SMUG1: variants seen among roughly 807,000 people sequenced by gnomAD.
SMUG1 encodes single-strand-selective monofunctional uracil-DNA glycosylase 1.
A neutral mutation model predicts 23.9 loss-of-function variants in SMUG1; 13 were observed. The ratio of observed to expected loss-of-function variants is 0.54; its 90% CI spans 0.35 to 0.86. SMUG1 has a LOEUF of 0.86. SMUG1 is among the 40% of genes least tolerant of loss of function. The probability of loss-of-function intolerance (pLI) is 0.01; values close to 1 mark genes in which losing one functional copy is unlikely to be tolerated. For synonymous variants in SMUG1, 133 were observed against 139.8 expected (o/e 0.95, Z 0.34); for missense variants, 313 against 339.5 (o/e 0.92, Z 0.61).
chr12:54,177,844 G>A (rs1940793896), downstream of SMUG1, among the ~76,000 whole-genome samples: 1 of 152,122 alleles, frequency 6.6e-6, no homozygotes, highest in Non-Finnish European at 1.5e-5. Context: ...GTTTGTTTAT[G>A]GTTGACATTG....
intron 2 of SMUG1, among the ~76,000 whole-genome samples, chr12:54,186,041 A>G (rs1371996716): frequency 6.6e-5 from 10 of 152,180 alleles, no homozygotes; most frequent in African/African-American, 2.4e-4. Flanking sequence ...CACATTTTCA[A>G]AATGCCTTTC....
chr12:54,179,713 C>T (rs370139717), downstream of SMUG1, among the ~76,000 whole-genome samples: 2 of 152,156 alleles, frequency 1.3e-5, no homozygotes, highest in Non-Finnish European at 2.9e-5. Context: ...ACCTGCACTT[C>T]TGACCAACTG....
At chr12:54,165,948 G>T (rs1565799568) in intron 3 of SMUG1, among the ~76,000 whole-genome samples, 1 of 152,164 alleles carries the variant, frequency 6.6e-6, no homozygotes, top group Non-Finnish European at 1.5e-5. Flanking sequence ...TGAGGACCTG[G>T]AATTTTCTAT....
downstream of SMUG1, among the ~76,000 whole-genome samples, chr12:54,163,729 G>C (rs1940347964): frequency 6.6e-6 from 1 of 152,110 alleles, no homozygotes; most frequent in South Asian, 2.1e-4. Flanking sequence ...CCCCAATTCT[G>C]ATTAACTGTG....
At chr12:54,169,267 G>C (rs1259021202) in intron 3 of SMUG1, among the ~76,000 whole-genome samples, 1 of 152,174 alleles carries the variant, frequency 6.6e-6, no homozygotes, top group Non-Finnish European at 1.5e-5. Flanking sequence ...CCAGTTAGGG[G>C]GCTGTCATGG....
At chr12:54,169,699 A>G (rs1940565802) in intron 3 of SMUG1, among the ~76,000 whole-genome samples, 1 of 152,168 alleles carries the variant, frequency 6.6e-6, no homozygotes, top group Admixed American at 6.5e-5. Context: ...GAGGGCAAAA[A>G]TTGCATCTTC....
chr12:54,168,554 T>C (rs1213177172), intron 3 of SMUG1: 1 of 152,214 alleles, frequency 6.6e-6, no homozygotes, highest in African/African-American at 2.4e-5. Context: ...GCCTAAGACA[T>C]TCATTCATTC....
chr12:54,167,783 G>A (rs1394456886), intron 3 of SMUG1, among the ~76,000 whole-genome samples: 2 of 152,048 alleles, frequency 1.3e-5, no homozygotes, highest in Non-Finnish European at 2.9e-5. Context: ...CATTTTGTCT[G>A]GAATGACCTC....
At position 54,182,643 on chromosome 12, in the gene SMUG1, C is replaced by T. The variant is rs777128921; in HGVS notation, c.286-20G>A. 2.5e-6 allele frequency: 4 copies of T among 1,588,362 alleles called. No homozygotes were observed. Among genetic ancestry groups the T allele is most frequent in the Non-Finnish European group, 2.6e-6 (3 of 1,167,750 alleles). On this transcript the variant is annotated intron_variant, in intron 3 of 3. Transcript: ENST00000682136. ...GGGCACCTGTGAGGAAGGAGAGAGA[C>T]ATGAAAGGCTTCAAACTGGAGACCT... is the stretch of plus-strand genomic sequence containing the variant.
chr12:54,181,922 T>C lies in SMUG1; in HGVS notation c.*174A>G. ...ATCAGGAGGGCAAACAGGAGTAGTG[T>C]CAAAACTGCCATGGCAGGTTGGAAG... On this transcript the variant is annotated 3_prime_UTR_variant, in exon 4 of 4. Coordinates refer to ENST00000682136, the MANE Select transcript of SMUG1 (RefSeq NM_001243787.2). The C allele has an allele frequency of 6.9e-7, 1 of 1,449,330 alleles. No homozygotes were observed. The highest frequency in any genetic ancestry group is 9.1e-7 in the Non-Finnish European group (1 of 1,104,054). The allele number at this position is 1,449,330 out of a possible 1,614,324, so 89.8% of individuals were successfully genotyped here. A position where few individuals can be genotyped will look rare whatever the true frequency, so the allele number is the denominator to read the frequency against.
chr12:54,173,080 C>CTCTT (rs1314660970), intron 2 of SMUG1: 1 of 153,174 alleles, frequency 6.5e-6, no homozygotes, highest in East Asian at 1.9e-4. Flanking sequence ...AAGACGGGAG[C>CTCTT]AAAGACAGCC....
intron 2 of SMUG1, among the ~76,000 whole-genome samples, chr12:54,173,491 A>G (rs1449928736): frequency 6.6e-6 from 1 of 152,170 alleles, no homozygotes; most frequent in Non-Finnish European, 1.5e-5. Flanking sequence ...GCTGGCTCGT[A>G]AAAGCCGCGT....
At position 54,181,234 on chromosome 12, in the gene SMUG1, C is replaced by A; in HGVS notation, c.*862G>T. ...ATCTCTGACATGGCAAGAATTTTCC[C>A]TTCACCCTGGCCGCAGGTGGAAGCC... is the stretch of plus-strand genomic sequence containing the variant. On this transcript the variant is annotated 3_prime_UTR_variant, in exon 4 of 4. Coordinates refer to ENST00000682136, the MANE Select transcript of SMUG1 (RefSeq NM_001243787.2). The A allele has an allele frequency of 3.2e-6, 1 of 307,978 alleles. No individual in the cohort carries two copies. The highest frequency in any genetic ancestry group is 2.1e-5 in the African/African-American group (1 of 47,680). The allele number at this position is 307,978 out of a possible 1,614,324, so 19.1% of individuals were successfully genotyped here.
intron 3 of SMUG1, 157 bp from the exon 4 acceptor site, chr12:54,182,780 T>A (rs1941415005): frequency 1.4e-6 from 2 of 1,384,250 alleles, no homozygotes; most frequent in Non-Finnish European, 1.9e-6. Context: ...CTTGGCCCTA[T>A]GGTTTGAGCC....
At chr12:54,162,847 C>A (rs77860208), downstream of SMUG1, 7,474 of 152,292 alleles carry the variant, frequency 0.049, 326 homozygotes, top group South Asian at 0.12. Context: ...CCTGCTCACT[C>A]CCCTGTTGGC....
intron 2 of SMUG1, among the ~76,000 whole-genome samples, chr12:54,173,951 C>T (rs1162794494): frequency 1.3e-5 from 2 of 152,138 alleles, no homozygotes; most frequent in Non-Finnish European, 2.9e-5. Flanking sequence ...CACTCAATTA[C>T]ACTAGTGTCC....
At position 54,181,649 on chromosome 12, in the gene SMUG1, T is replaced by C; in HGVS notation, c.*447A>G. The C allele has an allele frequency of 6.3e-7, 1 of 1,589,398 alleles. No homozygotes were observed. Among genetic ancestry groups the C allele is most frequent in the Non-Finnish European group, 8.5e-7 (1 of 1,175,400 alleles). On this transcript the variant is annotated 3_prime_UTR_variant, in exon 4 of 4. Coordinates refer to ENST00000682136, the MANE Select transcript of SMUG1 (RefSeq NM_001243787.2). ...ATGTCCCATGCTTTGTCTTGGTCCC[T>C]GTGAGGAAAGGGGTCAGCTAAAGGT... is the stretch of plus-strand genomic sequence containing the variant.
In SMUG1 at chr12:54,185,512, AT is replaced by A. The variant is rs1942225172; in HGVS notation, c.-19-1554del. On this transcript the variant is annotated intron_variant, in intron 2 of 3. Coordinates refer to ENST00000682136, the MANE Select transcript of SMUG1 (RefSeq NM_001243787.2). ...AATAAATAAATAAATAAATAAATAA[AT>A]AAATAAATAAATAAATTTGCCGGGC... is the stretch of plus-strand genomic sequence containing the variant. Among the ~76,000 whole-genome samples, 6 of 92,950 alleles carry A rather than the reference AT, an allele frequency of 6.5e-5. 1 individual carries two copies. Among genetic ancestry groups the A allele is most frequent in the Non-Finnish European group, 1.0e-4 (4 of 39,362 alleles). 61.0% of individuals were successfully genotyped at this position (92,950 alleles called of 152,430 possible). A position where few individuals can be genotyped will look rare whatever the true frequency, so the allele number is the denominator to read the frequency against.
intron 2 of SMUG1, among the ~76,000 whole-genome samples, chr12:54,186,107 C>T (rs1050998581): frequency 9.2e-5 from 14 of 152,208 alleles, no homozygotes; most frequent in African/African-American, 3.4e-4. Context: ...ACCAAATACA[C>T]TCCTGAAGTC....
Sources: gnomAD v4.1 joint callset for allele counts (sites outside exome capture counted in the v4.1 genomes callset) on GRCh38, gnomAD v4.1.1 for gene constraint, MANE v1.5 for transcripts, NCBI Gene and HGNC (gene_info 2026-07-23, HGNC 2026-07-21) for gene names.